The following TMEM232 variants were observed in gnomAD, a reference collection of about 807,000 sequenced individuals.
TMEM232 encodes the protein transmembrane protein 232.
Under a neutral mutation model 78.8 loss-of-function variants are expected in TMEM232, and 80 were observed. That is an observed-to-expected ratio of 1.01 (90% confidence interval 0.85 to 1.22). TMEM232 has a LOEUF of 1.22. Ranked by LOEUF, TMEM232 falls within the 50% of genes most tolerant of loss-of-function variation. TMEM232 has a pLI of 0.00. For synonymous variants in TMEM232, 297 were observed against 254.3 expected, an observed-to-expected ratio of 1.17 and a Z score of -1.60; for missense variants, 881 against 742.2, an observed-to-expected ratio of 1.19 and a Z score of -2.17.
At chr5:110,454,289 A>AAATC (rs1347458092) in intron 12 of TMEM232, among the ~76,000 whole-genome samples, 3 of 152,182 alleles carry the variant, frequency 2.0e-5, no homozygotes, top group Non-Finnish European at 4.4e-5. Context: ...ACAAATAAAA[A>AAATC]AATCACACCA....
intron 10 of TMEM232, among the ~76,000 whole-genome samples, chr5:110,587,102 A>G (rs1028793098): frequency 6.6e-6 from 1 of 152,116 alleles, no homozygotes. Context: ...CAATTCATCC[A>G]TTTTAAATAA....
At chr5:110,393,774 T>C (rs1755286790) in intron 3 of TMEM232, among the ~76,000 whole-genome samples, 1 of 151,916 alleles carries the variant, frequency 6.6e-6, no homozygotes, top group African/African-American at 2.4e-5. Flanking sequence ...CTCACCAACA[T>C]GGTGAAACCC....
At chr5:110,508,925 T>C (rs1233038398) in intron 12 of TMEM232, among the ~76,000 whole-genome samples, 2 of 141,412 alleles carry the variant, frequency 1.4e-5, no homozygotes, top group Non-Finnish European at 3.1e-5. Flanking sequence ...TATGTATATA[T>C]ATAATTATAT....
intron 1 of TMEM232, among the ~76,000 whole-genome samples, chr5:110,681,870 C>T (rs921113643): frequency 6.6e-6 from 1 of 151,980 alleles, no homozygotes; most frequent in Non-Finnish European, 1.5e-5. Context: ...CATTCCTTCT[C>T]GGGAGAGTTA....
intron 1 of TMEM232, among the ~76,000 whole-genome samples, chr5:110,681,480 G>C (rs1352987187): frequency 6.6e-6 from 1 of 152,170 alleles, no homozygotes; most frequent in East Asian, 1.9e-4. Flanking sequence ...AGAGTTGCCT[G>C]AGGATTAAGT....
intron 1 of TMEM232, among the ~76,000 whole-genome samples, chr5:110,671,137 CAT>C (rs1356647292): frequency 3.3e-5 from 5 of 152,106 alleles, no homozygotes; most frequent in Non-Finnish European, 7.4e-5. Flanking sequence ...GGCCAACAAA[CAT>C]ATGATAAAAA....
intron 10 of TMEM232, among the ~76,000 whole-genome samples, chr5:110,586,552 T>C (rs1358911277): frequency 6.8e-6 from 1 of 147,934 alleles, no homozygotes; most frequent in African/African-American, 2.6e-5. Context: ...GAAGGCATAT[T>C]TCCATACACA....
chr5:110,662,232 A>G (rs1437233208), intron 2 of TMEM232, among the ~76,000 whole-genome samples: 1 of 152,176 alleles, frequency 6.6e-6, no homozygotes, highest in Non-Finnish European at 1.5e-5. Context: ...TATAATTTAT[A>G]AATGGCATGA....
At chr5:110,597,814 T>C (rs1247679793) in intron 10 of TMEM232, among the ~76,000 whole-genome samples, 2 of 152,100 alleles carry the variant, frequency 1.3e-5, no homozygotes, top group East Asian at 3.9e-4. Flanking sequence ...TAGCCATAAG[T>C]AGAAAGCTGA....
intron 13 of TMEM232, among the ~76,000 whole-genome samples, chr5:110,421,433 A>C (rs1258564510): frequency 6.6e-6 from 1 of 151,688 alleles, no homozygotes; most frequent in East Asian, 1.9e-4. Context: ...ATATATATAT[A>C]ATTAGGAGGA....
chr5:110,492,682 C>T (rs6860301), intron 12 of TMEM232, among the ~76,000 whole-genome samples: 24,678 of 151,782 alleles, frequency 0.16, 5,255 homozygotes, highest in African/African-American at 0.5. Context: ...GAAAAACATG[C>T]TCTAAATATT....
intron 7 of TMEM232, among the ~76,000 whole-genome samples, chr5:110,623,427 G>A (rs778752604): frequency 2.0e-5 from 3 of 152,082 alleles, no homozygotes; most frequent in Non-Finnish European, 2.9e-5. Context: ...AAGGGCTACA[G>A]GAATAAATTC....
chr5:110,497,625 C>T (rs1580938681), intron 12 of TMEM232, among the ~76,000 whole-genome samples: 1 of 152,098 alleles, frequency 6.6e-6, no homozygotes. Flanking sequence ...GCTCATAGCA[C>T]CTAAATGGCA....
chr5:110,452,040 T>C (rs1373760995), intron 12 of TMEM232, among the ~76,000 whole-genome samples: 3 of 152,116 alleles, frequency 2.0e-5, no homozygotes, highest in Non-Finnish European at 2.9e-5. Context: ...TAGACCCTTA[T>C]TCAGTTTAGA....
chr5:110,644,673 G>A (rs1787223455), intron 2 of TMEM232, among the ~76,000 whole-genome samples: 2 of 151,016 alleles, frequency 1.3e-5, no homozygotes, highest in Admixed American at 6.6e-5. Context: ...GAAATATCTG[G>A]AAAAAAACAG....
chr5:110,431,511 T>G (rs924132388), intron 12 of TMEM232, among the ~76,000 whole-genome samples: 1 of 151,774 alleles, frequency 6.6e-6, no homozygotes, highest in South Asian at 2.1e-4. Flanking sequence ...CCAGGAGTCT[T>G]TGTCATTTTT....
At chr5:110,619,590 C>G (rs564598649) in intron 7 of TMEM232, among the ~76,000 whole-genome samples, 12 of 152,084 alleles carry the variant, frequency 7.9e-5, no homozygotes, top group Admixed American at 2.6e-4. Flanking sequence ...TTAGAACACA[C>G]CACAGAAAAG....
chr5:110,595,692 T>C (rs1274567152), intron 10 of TMEM232, among the ~76,000 whole-genome samples: 1 of 152,022 alleles, frequency 6.6e-6, no homozygotes, highest in Non-Finnish European at 1.5e-5. Context: ...GAAGATCAAC[T>C]TAATGAAACA....
At chr5:110,407,377 C>G (rs1421879241) in intron 2 of TMEM232, among the ~76,000 whole-genome samples, 1 of 151,972 alleles carries the variant, frequency 6.6e-6, no homozygotes, top group Admixed American at 6.6e-5. Context: ...AGAGGAGTAA[C>G]TAGATTCATA....
Sources: allele counts gnomAD v4.1 joint callset (sites outside exome capture counted in the v4.1 genomes callset), GRCh38; gene constraint gnomAD v4.1.1; transcripts MANE v1.5; gene names NCBI Gene and HGNC (gene_info 2026-07-23, HGNC 2026-07-21).